Variants in ACTR10 observed in about 807,000 individuals in gnomAD.
The protein encoded by ACTR10 is actin related protein 10.
Under a neutral mutation model 56.2 loss-of-function variants are expected in ACTR10, and 43 were observed. The observed-to-expected ratio is 0.77, with a 90% CI of 0.60 to 0.99. The LOEUF is 0.99. Ranked by LOEUF, ACTR10 falls within the 50% of genes least tolerant of loss-of-function variation. ACTR10 has a pLI of 0.00. For missense variants in ACTR10, 466 were observed against 507.8 expected (o/e 0.92, Z 0.79); for synonymous variants, 170 against 176.3 (o/e 0.96, Z 0.28).
chr14:58,221,541 A>G (rs985104033), intron 8 of ACTR10, among the ~76,000 whole-genome samples: 1 of 152,098 alleles, frequency 6.6e-6, no homozygotes, highest in Non-Finnish European at 1.5e-5. Flanking sequence ...TGGAGGCTGC[A>G]GTGAGGCAAG....
intron 8 of ACTR10, among the ~76,000 whole-genome samples, chr14:58,223,293 C>G (rs1478320546): frequency 6.6e-6 from 1 of 152,114 alleles, no homozygotes; most frequent in African/African-American, 2.4e-5. Context: ...CCCGCCACCA[C>G]GCCCGGCTAA....
chr14:58,225,263 G>C (rs528798531), intron 10 of ACTR10, among the ~76,000 whole-genome samples: 1 of 152,180 alleles, frequency 6.6e-6, no homozygotes, highest in Admixed American at 6.5e-5. Context: ...ACCGTTTATT[G>C]ATTTGACTAT....
In ACTR10 at chr14:58,200,170, G is replaced by C. The variant is rs1888668463; in HGVS notation, c.-48G>C. 3 of 1,415,498 alleles carry C rather than the reference G, an allele frequency of 2.1e-6. No individual in the cohort carries two copies. The highest frequency in any genetic ancestry group is 2.8e-6 in the Non-Finnish European group (3 of 1,071,628). 87.7% of individuals were successfully genotyped at this position (1,415,498 alleles called of 1,614,324 possible). On this transcript the variant is annotated 5_prime_UTR_variant, in exon 1 of 13. Transcript: ENST00000254286. ...CCCCGCCCCGCGAGCGCCGAGACTTGTTGGCCGCGGAGACTGCGACCCTCT... is the reference window on the plus strand; with the variant it reads ...CCCCGCCCCGCGAGCGCCGAGACTTCTTGGCCGCGGAGACTGCGACCCTCT...
At chr14:58,222,925 T>C (rs1889310394) in intron 8 of ACTR10, among the ~76,000 whole-genome samples, 1 of 152,118 alleles carries the variant, frequency 6.6e-6, no homozygotes, top group Non-Finnish European at 1.5e-5. Flanking sequence ...AAAATCTGGT[T>C]TAAAGAAATA....
chr14:58,223,403 G>T (rs1200403410), intron 8 of ACTR10: 2 of 490,436 alleles, frequency 4.1e-6, no homozygotes, highest in Non-Finnish European at 7.2e-6. Flanking sequence ...CTCCCAAAGT[G>T]CTGGGATTAC....
chr14:58,224,816 C>T (rs12879351), intron 10 of ACTR10, among the ~76,000 whole-genome samples: 33,869 of 151,694 alleles, frequency 0.22, 4,166 homozygotes, highest in Middle Eastern at 0.33. Context: ...AAGGAGAAAC[C>T]GAGTCTCTAC....
At chr14:58,202,960 C>A (rs750453207) in intron 2 of ACTR10, 33 bp downstream of exon 2, 3 of 1,340,214 alleles carry the variant, frequency 2.2e-6, no homozygotes, top group Middle Eastern at 1.9e-4. Flanking sequence ...AAAATAAATG[C>A]CATACTATAA....
chr14:58,222,955 C>T (rs1030361638), intron 8 of ACTR10, among the ~76,000 whole-genome samples: 1 of 151,912 alleles, frequency 6.6e-6, no homozygotes, highest in Non-Finnish European at 1.5e-5. Context: ...GTTAGAATAG[C>T]TACATTTTTA....
chr14:58,232,276 T>G lies in ACTR10; in HGVS notation c.1072+9T>G. 6.2e-7 allele frequency: 1 copy of G among 1,607,236 alleles called. No individual in the cohort carries two copies. The highest frequency in any genetic ancestry group is 8.5e-7 in the Non-Finnish European group (1 of 1,176,110). On this transcript the variant is annotated intron_variant, in intron 12 of 12. Transcript: ENST00000254286. ...TGTGGCCTGGTTGGGAGGTAAGAAT[T>G]TCACTTTTAAAATATAATGATTATA...
intron 10 of ACTR10, among the ~76,000 whole-genome samples, chr14:58,228,583 G>A (rs577256395): frequency 2.0e-5 from 3 of 148,552 alleles, no homozygotes; most frequent in Admixed American, 6.8e-5. Context: ...TGCACAGAGC[G>A]AGACTCTGTC....
At chr14:58,229,652 G>T (rs1354266702) in intron 10 of ACTR10, among the ~76,000 whole-genome samples, 5 of 149,984 alleles carry the variant, frequency 3.3e-5, no homozygotes, top group Non-Finnish European at 7.4e-5. Context: ...CACTCCAGCC[G>T]GGGCAACAGA....
chr14:58,203,735 CA>C (rs1157821369), intron 2 of ACTR10, among the ~76,000 whole-genome samples: 4 of 151,948 alleles, frequency 2.6e-5, no homozygotes, highest in Non-Finnish European at 5.9e-5. Context: ...ATTTTGAAAA[CA>C]AACTTTCAAA....
chr14:58,216,452 A>G (rs1218924556), intron 7 of ACTR10, among the ~76,000 whole-genome samples: 1 of 152,184 alleles, frequency 6.6e-6, no homozygotes, highest in African/African-American at 2.4e-5. Flanking sequence ...ATAAATATAA[A>G]TACATTGCTC....
rs561381813 is a variant in ACTR10, at chr14:58,234,823, T to G, written c.*272T>G. ...TTTGGAAGTTTGTTATGTGGCTTTT[T>G]TTTTTTTTTTTTTTTTGAGACGGAG... On this transcript the variant is annotated 3_prime_UTR_variant, in exon 13 of 13. Coordinates refer to ENST00000254286, the MANE Select transcript of ACTR10 (RefSeq NM_018477.3). 5.2e-5 allele frequency: 10 copies of G among 191,964 alleles called. No homozygotes were observed. The highest frequency in any genetic ancestry group is 1.8e-4 in the Admixed American group (3 of 16,222). 11.9% of individuals were successfully genotyped at this position (191,964 alleles called of 1,614,324 possible).
In ACTR10 at chr14:58,205,408, G is replaced by A. The variant is rs555869306; in HGVS notation, c.150+2481G>A. ...GGGCTCACTACAAGCCCCACCTCCC[G>A]GGTTCATGCCATTCTCCTGCCTCAG... On this transcript the variant is annotated intron_variant, in intron 2 of 12. Coordinates refer to ENST00000254286, the MANE Select transcript of ACTR10 (RefSeq NM_018477.3). 2.6e-4 allele frequency among the ~76,000 whole-genome samples: 37 copies of A among 144,266 alleles called. No homozygotes were observed. In the South Asian group the frequency reaches 4.7e-3, roughly 18 times the overall value. The allele number at this position is 144,266 out of a possible 152,430, so 94.6% of individuals were successfully genotyped here.
intron 2 of ACTR10, among the ~76,000 whole-genome samples, chr14:58,205,038 A>T (rs1241750402): frequency 6.6e-6 from 1 of 151,948 alleles, no homozygotes; most frequent in Non-Finnish European, 1.5e-5. Flanking sequence ...CTAACCAACA[A>T]GGAGAAACCC....
chr14:58,223,821 T>G lies in ACTR10; in HGVS notation c.753T>G (p.Asp251Glu). ...SPPPNVDYPL[D>E]GEKILHILGS... ...CCCCAAATGTTGACTATCCATTAGA[T>G]GGAGAGAAGATTTTACATATCCTTG... The change falls in exon 10 of 13, where the codon GAT becomes GAG. Residue 251 changes from aspartate to glutamate, a missense_variant. Coordinates refer to ENST00000254286, the MANE Select transcript of ACTR10 (RefSeq NM_018477.3). 1 of 1,613,166 alleles carries G rather than the reference T, an allele frequency of 6.2e-7. No individual in the cohort carries two copies. Among genetic ancestry groups the G allele is most frequent in the Non-Finnish European group, 8.5e-7 (1 of 1,179,396 alleles).
chr14:58,227,715 GA>G (rs1889435930), intron 10 of ACTR10, among the ~76,000 whole-genome samples: 1 of 152,150 alleles, frequency 6.6e-6, no homozygotes, highest in Admixed American at 6.5e-5. Context: ...TGGTGAAGTG[GA>G]AAAAATTAGC....
At chr14:58,208,157 C>T (rs1372862680) in intron 3 of ACTR10, 139 bp downstream of exon 3, 1 of 669,380 alleles carries the variant, frequency 1.5e-6, no homozygotes, top group Admixed American at 4.2e-5. Context: ...TTATTTTCAA[C>T]CTTTTCAAAA....
Sources: gnomAD v4.1 joint callset for allele counts (sites outside exome capture counted in the v4.1 genomes callset) on GRCh38, gnomAD v4.1.1 for gene constraint, MANE v1.5 for transcripts, NCBI Gene and HGNC (gene_info 2026-07-23, HGNC 2026-07-21) for gene names.